GRID1: variants seen among roughly 807,000 people sequenced by gnomAD.
The protein encoded by GRID1 is glutamate ionotropic receptor delta type subunit 1.
A neutral mutation model predicts 98.0 loss-of-function variants in GRID1; 28 were observed. That is an observed-to-expected ratio of 0.29 (90% CI 0.21 to 0.39). GRID1 has a LOEUF of 0.39. GRID1 is among the 10% of genes least tolerant of loss of function. GRID1 has a pLI of 1.00. For missense variants in GRID1, 1,111 were observed against 1,340.5 expected (o/e 0.83, Z 2.67); for synonymous variants, 553 against 538.5 (o/e 1.03, Z -0.37).
intron 2 of GRID1, among the ~76,000 whole-genome samples, chr10:86,229,367 A>C (rs1391641219): frequency 1.3e-5 from 2 of 152,168 alleles, no homozygotes; most frequent in African/African-American, 2.4e-5. Flanking sequence ...AAGGATGAAG[A>C]AGCCAGGCTG....
intron 4 of GRID1, among the ~76,000 whole-genome samples, chr10:86,068,336 A>G (rs1237296621): frequency 6.6e-6 from 1 of 152,206 alleles, no homozygotes; most frequent in Non-Finnish European, 1.5e-5. Flanking sequence ...GCTCTAAAAA[A>G]AGATCTGAAA....
At chr10:86,312,210 T>C (rs777517147) in intron 2 of GRID1, among the ~76,000 whole-genome samples, 2 of 152,248 alleles carry the variant, frequency 1.3e-5, no homozygotes, top group Non-Finnish European at 2.9e-5. Flanking sequence ...CAAGCCCAGA[T>C]GACATCAGAG....
chr10:85,893,745 G>A (rs879227396), intron 5 of GRID1, among the ~76,000 whole-genome samples: 2 of 152,280 alleles, frequency 1.3e-5, no homozygotes, highest in Admixed American at 1.3e-4. Context: ...TAAATGAAAA[G>A]ATATGCTTTG....
intron 12 of GRID1, among the ~76,000 whole-genome samples, chr10:85,717,197 C>T (rs1841649482): frequency 1.3e-5 from 2 of 152,008 alleles, no homozygotes; most frequent in Admixed American, 6.6e-5. Context: ...TTTCGTAGTG[C>T]ACATGCAAAC....
At chr10:85,710,263 G>A (rs1419802965) in intron 12 of GRID1, among the ~76,000 whole-genome samples, 1 of 152,104 alleles carries the variant, frequency 6.6e-6, no homozygotes, top group East Asian at 1.9e-4. Flanking sequence ...AGTATTGGTA[G>A]GAAGACAGAT....
chr10:85,663,131 C>T (rs1299361505), intron 12 of GRID1, among the ~76,000 whole-genome samples: 4 of 152,154 alleles, frequency 2.6e-5, no homozygotes, highest in Non-Finnish European at 5.9e-5. Context: ...AATGCATCCC[C>T]CCAAAGTAAA....
At chr10:86,172,277 C>T (rs993917789) in intron 3 of GRID1, among the ~76,000 whole-genome samples, 9 of 152,170 alleles carry the variant, frequency 5.9e-5, no homozygotes, top group East Asian at 1.9e-4. Flanking sequence ...TGGCTAGCTT[C>T]TTTCACTTGG....
chr10:85,651,075 A>G (rs1843262598), intron 12 of GRID1, among the ~76,000 whole-genome samples: 1 of 152,182 alleles, frequency 6.6e-6, no homozygotes, highest in Admixed American at 6.5e-5. Context: ...CTATGTTTCC[A>G]CAACCCTCCA....
intron 3 of GRID1, among the ~76,000 whole-genome samples, chr10:86,184,461 C>CTTTTTTTTTTTTTTTT (rs1198471392): frequency 1.6e-5 from 2 of 123,044 alleles, no homozygotes; most frequent in Non-Finnish European, 3.4e-5. Context: ...TTTCTTTTTT[C>CTTTTTTTTTTTTTTTT]TTTTTTTTTT....
intron 4 of GRID1, among the ~76,000 whole-genome samples, chr10:85,936,407 T>A (rs1841926196): frequency 6.6e-6 from 1 of 152,156 alleles, no homozygotes; most frequent in Admixed American, 6.5e-5. Context: ...GCCACATGAA[T>A]CGCATTTGCA....
intron 4 of GRID1, among the ~76,000 whole-genome samples, chr10:86,079,908 G>C (rs1392836060): frequency 1.3e-5 from 2 of 152,206 alleles, no homozygotes; most frequent in Non-Finnish European, 2.9e-5. Context: ...GTGGGTGCAA[G>C]GGGCAGGAAG....
intron 2 of GRID1, among the ~76,000 whole-genome samples, chr10:86,226,235 G>A (rs991846199): frequency 5.9e-5 from 9 of 151,592 alleles, no homozygotes; most frequent in African/African-American, 2.2e-4. Context: ...CACGTCATAC[G>A]CCTCACTCAT....
chr10:85,995,305 G>C (rs1373847706), intron 4 of GRID1, among the ~76,000 whole-genome samples: 1 of 152,194 alleles, frequency 6.6e-6, no homozygotes, highest in Non-Finnish European at 1.5e-5. Context: ...GAGAATCCTG[G>C]AAAGAGAGGA....
At chr10:85,866,831 C>A (rs538034198) in intron 6 of GRID1, among the ~76,000 whole-genome samples, 1 of 152,092 alleles carries the variant, frequency 6.6e-6, no homozygotes, top group Admixed American at 6.5e-5. Context: ...GACTTGATTC[C>A]TCTTTTACTG....
At chr10:85,835,535 C>T (rs1842905105) in intron 8 of GRID1, among the ~76,000 whole-genome samples, 1 of 152,188 alleles carries the variant, frequency 6.6e-6, no homozygotes, top group African/African-American at 2.4e-5. Context: ...ATTGCTCCTC[C>T]TTTGCCTTCC....
At chr10:85,723,233 G>C in intron 11 of GRID1, 92 bp from the exon 12 acceptor site, 4 of 1,270,730 alleles carry the variant, frequency 3.1e-6, no homozygotes, top group Non-Finnish European at 4.3e-6. Flanking sequence ...AGGCACACAG[G>C]CCATCACTCG....
chr10:85,644,883 T>A (rs1013632220), intron 13 of GRID1, among the ~76,000 whole-genome samples: 1 of 152,360 alleles, frequency 6.6e-6, no homozygotes, highest in Middle Eastern at 3.4e-3. Context: ...ATGGTCCTGA[T>A]TTGTATTTCA....
intron 4 of GRID1, among the ~76,000 whole-genome samples, chr10:85,996,354 TAA>T (rs1302070249): frequency 1.3e-5 from 2 of 151,974 alleles, no homozygotes; most frequent in African/African-American, 4.8e-5. Context: ...AATGGAAAAA[TAA>T]AAAGTCCCAG....
intron 12 of GRID1, among the ~76,000 whole-genome samples, chr10:85,656,661 T>C (rs1431462799): frequency 6.6e-6 from 1 of 152,224 alleles, no homozygotes; most frequent in Non-Finnish European, 1.5e-5. Context: ...TGAGATGCTG[T>C]AGCCAAGAGC....
Sources: allele counts gnomAD v4.1 joint callset (sites outside exome capture counted in the v4.1 genomes callset), GRCh38; gene constraint gnomAD v4.1.1; transcripts MANE v1.5; gene names NCBI Gene and HGNC (gene_info 2026-07-23, HGNC 2026-07-21).